PHKA1: variants seen among roughly 807,000 people sequenced by gnomAD.
PHKA1 encodes phosphorylase kinase regulatory subunit alpha 1.
PHKA1 carries 60 observed loss-of-function variants against 110.2 expected under a neutral mutation model. The observed-to-expected ratio is 0.54, with a 90% CI of 0.44 to 0.68. PHKA1 has a LOEUF of 0.68. Among genes scored for constraint, PHKA1 ranks in the 30% least tolerant of loss-of-function variants. The pLI is 0.00. For missense variants in PHKA1, 801 were observed against 942.5 expected, an observed-to-expected ratio of 0.85 and a Z score of 1.97; for synonymous variants, 316 against 333.6, an observed-to-expected ratio of 0.95 and a Z score of 0.58.
chrX:72,711,606 T>C (rs1556334782), intron 2 of PHKA1, among the ~76,000 whole-genome samples: 5 of 111,006 alleles, frequency 4.5e-5, no homozygotes, highest in Non-Finnish European at 3.8e-5. Context: ...TAGCCAGGCG[T>C]GGTGGCACGC....
rs2053451589 is a variant in PHKA1 at position 72,653,298 on chromosome X, A to AT, written c.1137+136dup. On this transcript the variant is annotated intron_variant, in intron 11 of 31. Transcript: ENST00000373542. ...TTTTTGAAGAAATAAAATCATACTT[A>AT]TGTTGTCCTGTACCTAAAGACAAGC... 8.1e-6 allele frequency: 4 copies of AT among 494,323 alleles called. No homozygotes were observed. The South Asian group carries it at 1.2e-4, about 15-fold the overall frequency. The allele number at this position is 494,323 out of a possible 1,213,427, so 40.7% of individuals were successfully genotyped here.
chrX:72,657,658 A>T lies in PHKA1; in HGVS notation c.865-17T>A, dbSNP rs1556302087. The T allele has an allele frequency of 6.7e-6, 8 of 1,192,234 alleles. No homozygotes were observed. Among genetic ancestry groups the T allele is most frequent in the African/African-American group, 1.7e-5 (1 of 57,508 alleles). The stretch of plus-strand genomic sequence containing the variant: ...ATAACGACCCTGGGAATACAAAGAA[A>T]AAAGGTCAGCAGCTTGTACACTGGT... On this transcript the variant is annotated splice_polypyrimidine_tract_variant and intron_variant, in intron 8 of 31. Transcript: ENST00000373542.
intron 3 of PHKA1, among the ~76,000 whole-genome samples, chrX:72,701,415 G>A (rs1295324410): frequency 8.9e-6 from 1 of 111,970 alleles, no homozygotes; most frequent in Non-Finnish European, 1.9e-5. Context: ...GGCTGGGCTC[G>A]GCTTTCAAGA....
chrX:72,640,045 T>C (rs894638962), intron 14 of PHKA1, among the ~76,000 whole-genome samples: 13 of 112,047 alleles, frequency 1.2e-4, no homozygotes, highest in African/African-American at 4.2e-4. Flanking sequence ...TATTATAGCC[T>C]AAGACTTAAA....
chrX:72,658,917 G>T (rs1556302835), intron 8 of PHKA1, among the ~76,000 whole-genome samples: 1 of 111,776 alleles, frequency 8.9e-6, no homozygotes. Context: ...TAAATATTTT[G>T]GGGGAGATAC....
chrX:72,673,333 C>A (rs1251351267), intron 6 of PHKA1, among the ~76,000 whole-genome samples: 1 of 111,567 alleles, frequency 9.0e-6, no homozygotes, highest in Non-Finnish European at 1.9e-5. Context: ...TTTGTTTAAT[C>A]AGAGAAAAAG....
At chrX:72,711,101 T>G (rs1220532394) in intron 2 of PHKA1, among the ~76,000 whole-genome samples, 3 of 109,125 alleles carry the variant, frequency 2.7e-5, no homozygotes, top group African/African-American at 1.0e-4. Context: ...GACCTCGTGA[T>G]CCGCCCGCCT....
In PHKA1 at chrX:72,713,670, TCACACA is replaced by T. The variant is rs58583639; in HGVS notation, c.78+127_78+132del. ...ACGCGGAGTTCATGCAAGGTCTCCG[TCACACA>T]CACACACACACACACACACACACAC... is the stretch of plus-strand genomic sequence containing the variant. On this transcript the variant is annotated intron_variant, in intron 1 of 31. Transcript: ENST00000373542. 663 of 478,064 alleles carry T rather than the reference TCACACA, an allele frequency of 1.4e-3. 1 individual carries two copies. The highest frequency in any genetic ancestry group is 0.011 in the African/African-American group (403 of 38,308). 39.4% of individuals were successfully genotyped at this position (478,064 alleles called of 1,213,427 possible). A position where few individuals can be genotyped will look rare whatever the true frequency, so the allele number is the denominator to read the frequency against.
intron 3 of PHKA1, among the ~76,000 whole-genome samples, chrX:72,698,827 G>T (rs782184924): frequency 8.9e-6 from 1 of 112,110 alleles, no homozygotes; most frequent in Non-Finnish European, 1.9e-5. Context: ...GAACAAGGAC[G>T]GCTTGGGGCT....
chrX:72,689,341 C>T (rs1160649199), intron 4 of PHKA1, among the ~76,000 whole-genome samples: 1 of 111,534 alleles, frequency 9.0e-6, no homozygotes, highest in African/African-American at 3.3e-5. Context: ...TACAGTTGCC[C>T]CCCAGCCTAA....
chrX:72,607,185 G>A (rs1240876077), intron 23 of PHKA1, among the ~76,000 whole-genome samples: 1 of 111,817 alleles, frequency 8.9e-6, no homozygotes, highest in African/African-American at 3.2e-5. Flanking sequence ...AATAAACACA[G>A]GAGTGCAGAT....
rs782022487 is a variant in PHKA1, at chrX:72,593,143, T to G, written c.3204A>C (p.Pro1068=). The G allele has an allele frequency of 8.3e-7, 1 of 1,202,929 alleles. No homozygotes were observed. The highest frequency in any genetic ancestry group is 3.0e-5 in the East Asian group (1 of 33,806). ...RRLDGALNRV[P]VGFYQKVWKV... ...TCCATACTTTCTGATAAAATCCAACTGGAACTCTATTCAGTGCCCCATCCA... is the reference window on the plus strand; with the variant it reads ...TCCATACTTTCTGATAAAATCCAACGGGAACTCTATTCAGTGCCCCATCCA... The change falls in exon 29 of 32, where the codon CCA becomes CCC. Residue 1068 remains proline (P), a synonymous_variant. Transcript: ENST00000373542.
intron 18 of PHKA1, 71 bp from the exon 19 acceptor site, chrX:72,620,972 A>G (rs2052971088): frequency 1.1e-5 from 12 of 1,081,264 alleles, no homozygotes; most frequent in Non-Finnish European, 1.4e-5. Context: ...AATCTACCCC[A>G]GCAAAGAGAA....
rs140721100 is a variant in PHKA1 at position 72,618,714 on chromosome X, T to C, written c.2365A>G (p.Met789Val). 5.8e-4 allele frequency: 690 copies of C among 1,186,478 alleles called. No individual in the cohort carries two copies. Among genetic ancestry groups the C allele is most frequent in the Non-Finnish European group, 4.1e-4 (356 of 873,867 alleles). Residue 789 changes from methionine to valine, a missense_variant, in exon 21 of 32, where the codon ATG becomes GTG. Transcript: ENST00000373542. ...QADILYMLYT[M>V]KGPDWNTELY... ...TTGATAATATCCACCACTTACTTCA[T>C]AGTATACAGCATATAGAGGATATCA...
At chrX:72,699,522 A>T (rs1556328744) in intron 3 of PHKA1, among the ~76,000 whole-genome samples, 1 of 107,661 alleles carries the variant, frequency 9.3e-6, no homozygotes, top group African/African-American at 3.4e-5. Flanking sequence ...AAAAAAAAAA[A>T]AAAAAAAAAA....
At chrX:72,635,338 C>G (rs2053217867) in intron 15 of PHKA1, 39 bp from the exon 16 acceptor site, 1 of 1,130,765 alleles carries the variant, frequency 8.8e-7, no homozygotes, top group Admixed American at 2.2e-5. Flanking sequence ...TTAATTTACT[C>G]TCACAATTAT....
intron 16 of PHKA1, among the ~76,000 whole-genome samples, chrX:72,627,610 A>G (rs2053095832): frequency 9.0e-6 from 1 of 111,467 alleles, no homozygotes; most frequent in Non-Finnish European, 1.9e-5. Context: ...TTATATTATA[A>G]TCAACACTGT....
At chrX:72,712,696 T>C (rs2054400852) in intron 2 of PHKA1, 83 bp downstream of exon 2, 1 of 917,170 alleles carries the variant, frequency 1.1e-6, no homozygotes, top group Non-Finnish European at 1.6e-6. Context: ...TTTTGGTGGG[T>C]TTCACTTCCT....
chrX:72,668,484 G>C (rs1470091671), intron 6 of PHKA1, among the ~76,000 whole-genome samples: 1 of 111,687 alleles, frequency 9.0e-6, no homozygotes, highest in Non-Finnish European at 1.9e-5. Flanking sequence ...TTCCTAATGT[G>C]ATTAAAAAAT....
Sources: allele counts gnomAD v4.1 joint callset (sites outside exome capture counted in the v4.1 genomes callset), GRCh38; gene constraint gnomAD v4.1.1; transcripts MANE v1.5; gene names NCBI Gene and HGNC (gene_info 2026-07-23, HGNC 2026-07-21).